Variants in MTUS1 observed in about 807,000 individuals in gnomAD.
MTUS1 encodes microtubule-associated tumor suppressor 1.
Under a neutral mutation model 120.8 loss-of-function variants are expected in MTUS1, and 109 were observed. The observed-to-expected ratio is 0.90, with a 90% confidence interval of 0.77 to 1.06. MTUS1 has a LOEUF of 1.06. MTUS1 is among the 50% of genes least tolerant of loss of function. The pLI is 0.00. For synonymous variants in MTUS1, 737 were observed against 550.5 expected, an observed-to-expected ratio of 1.34 and a Z score of -4.74; for missense variants, 2,210 against 1,486.3, an observed-to-expected ratio of 1.49 and a Z score of -8.01.
chr8:17,789,317 C>T lies in MTUS1; in HGVS notation c.-155+11744G>A, dbSNP rs1304217333. The stretch of plus-strand genomic sequence containing the variant: ...AAGTGCTGGGATTACAGGTGTCAGC[C>T]ACTGCCCCCGGCCACTTTTAGTTTT... On this transcript the variant is annotated intron_variant, in intron 1 of 14. Coordinates refer to ENST00000693296, the MANE Select transcript of MTUS1 (RefSeq NM_001363059.2). Among the ~76,000 whole-genome samples the T allele has an allele frequency of 4.6e-5, 7 of 152,172 alleles. No individual in the cohort carries two copies. In the East Asian group the frequency reaches 1.3e-3, roughly 29 times the overall value.
chr8:17,663,646 A>T (rs1810270379), intron 8 of MTUS1, among the ~76,000 whole-genome samples: 1 of 152,026 alleles, frequency 6.6e-6, no homozygotes, highest in African/African-American at 2.4e-5. Flanking sequence ...CCCAGGCTGG[A>T]GTGTAGTGGC....
In MTUS1 at chr8:17,712,353, T is replaced by C. The variant is rs185467848; in HGVS notation, c.2623+861A>G. Among the ~76,000 whole-genome samples, 167 of 152,256 alleles carry C rather than the reference T, an allele frequency of 1.1e-3. 1 individual carries two copies. The highest frequency in any genetic ancestry group is 4.0e-3 in the Admixed American group (61 of 15,302). On this transcript the variant is annotated intron_variant, in intron 6 of 14. Transcript: ENST00000693296. ...GATCAATCCATCTATCTTTTTTTTT[T>C]TGAGACAGGGTCTCACTGTGTCACC...
intron 2 of MTUS1, among the ~76,000 whole-genome samples, chr8:17,751,150 C>G (rs1254875224): frequency 6.6e-6 from 1 of 152,098 alleles, no homozygotes; most frequent in Non-Finnish European, 1.5e-5. Context: ...AACCCCATCT[C>G]TAATAAAAAT....
intron 5 of MTUS1, 63 bp downstream of exon 5, chr8:17,715,704 T>C (rs117032956): frequency 7.3e-6 from 11 of 1,509,834 alleles, no homozygotes; most frequent in Admixed American, 2.3e-5. Flanking sequence ...AAATTTAACT[T>C]TCTACAAGCC....
At chr8:17,747,872 G>A (rs1217686953) in intron 2 of MTUS1, among the ~76,000 whole-genome samples, 1 of 152,180 alleles carries the variant, frequency 6.6e-6, no homozygotes, top group Non-Finnish European at 1.5e-5. Context: ...GCAAGGAGGA[G>A]CAAGACATGT....
intron 1 of MTUS1, among the ~76,000 whole-genome samples, chr8:17,757,892 A>G (rs1335752670): frequency 6.6e-6 from 1 of 152,184 alleles, no homozygotes; most frequent in East Asian, 1.9e-4. Context: ...AGAAAGGTCC[A>G]AATGTTCAAG....
At position 17,645,056 on chromosome 8, in the gene MTUS1, CAGTT is replaced by C. The variant is rs35568772; in HGVS notation, c.*866_*869del. 0.88 allele frequency: 133,103 copies of C among 151,684 alleles called. 58,395 individuals are homozygous for C. The highest frequency in any genetic ancestry group is 0.94 in the Middle Eastern group (275 of 292). 9.4% of individuals were successfully genotyped at this position (151,684 alleles called of 1,614,324 possible). ...GTACTTCCCTTTTTCTTTCTTTACA[CAGTT>C]AGTTAGTTAGTTTGTTTTTTTATAG... On this transcript the variant is annotated 3_prime_UTR_variant, in exon 15 of 15. Transcript: ENST00000693296.
At chr8:17,769,493 G>A (rs888345324) in intron 1 of MTUS1, among the ~76,000 whole-genome samples, 22 of 150,716 alleles carry the variant, frequency 1.5e-4, no homozygotes, top group Middle Eastern at 3.4e-3. Context: ...GACTACAGGC[G>A]CCCGCCACCA....
At chr8:17,748,376 C>T (rs967476695) in intron 2 of MTUS1, 3 of 152,316 alleles carry the variant, frequency 2.0e-5, no homozygotes, top group Non-Finnish European at 4.4e-5. Flanking sequence ...CACCATCCTT[C>T]AGGTGTCCAT....
At chr8:17,782,299 T>C (rs2050932019) in intron 1 of MTUS1, among the ~76,000 whole-genome samples, 1 of 152,198 alleles carries the variant, frequency 6.6e-6, no homozygotes, top group Non-Finnish European at 1.5e-5. Context: ...ACCAAGATGA[T>C]GTAGTAAGTT....
At chr8:17,748,619 G>A (rs1448140665) in intron 2 of MTUS1, among the ~76,000 whole-genome samples, 1 of 152,134 alleles carries the variant, frequency 6.6e-6, no homozygotes, top group Non-Finnish European at 1.5e-5. Flanking sequence ...CCACCACCTG[G>A]GCACCACTGT....
intron 4 of MTUS1, among the ~76,000 whole-genome samples, chr8:17,719,548 C>T (rs1040968153): frequency 2.0e-5 from 3 of 152,186 alleles, no homozygotes; most frequent in Non-Finnish European, 4.4e-5. Context: ...TTCAGAAGTG[C>T]GTAAGTACTA....
In MTUS1 at chr8:17,715,115, A is replaced by T. The variant is rs187106803; in HGVS notation, c.2584+652T>A. Among the ~76,000 whole-genome samples the T allele has an allele frequency of 3.8e-3, 576 of 151,966 alleles. 15 individuals are homozygous for T. The highest frequency in any genetic ancestry group is 0.026 in the Admixed American group (391 of 15,246). On this transcript the variant is annotated intron_variant, in intron 5 of 14. Transcript: ENST00000693296. ...GAGATGGGGTTTTGCCATGTCGGCCAGGCTGGTCTCAAACTCCTGACCTCA... is the reference window on the plus strand; with the variant it reads ...GAGATGGGGTTTTGCCATGTCGGCCTGGCTGGTCTCAAACTCCTGACCTCA...
chr8:17,735,622 G>T (rs1328454742), intron 3 of MTUS1, among the ~76,000 whole-genome samples: 1 of 152,214 alleles, frequency 6.6e-6, no homozygotes, highest in African/African-American at 2.4e-5. Flanking sequence ...CTGCTGGCAA[G>T]CTCCTGCAGG....
At chr8:17,733,466 A>G (rs977723785) in intron 3 of MTUS1, among the ~76,000 whole-genome samples, 3 of 152,174 alleles carry the variant, frequency 2.0e-5, no homozygotes, top group Admixed American at 6.6e-5. Context: ...TTTAAGTTAA[A>G]AGCTATTTGG....
At chr8:17,789,396 T>C (rs747523595) in intron 1 of MTUS1, among the ~76,000 whole-genome samples, 3 of 152,134 alleles carry the variant, frequency 2.0e-5, no homozygotes, top group Non-Finnish European at 4.4e-5. Context: ...CTCAGACTGT[T>C]TGAGGGACGT....
rs552889199 is a variant in MTUS1, at chr8:17,791,118, C to G, written c.-155+9943G>C. 2.6e-5 allele frequency among the ~76,000 whole-genome samples: 4 copies of G among 152,282 alleles called. No homozygotes were observed. The South Asian group carries it at 8.3e-4, about 32-fold the overall frequency. On this transcript the variant is annotated intron_variant, in intron 1 of 14. Coordinates refer to ENST00000693296, the MANE Select transcript of MTUS1 (RefSeq NM_001363059.2). Reference sequence around the variant, plus strand: ...ACTGGGTGTGGGAAATGGACCGGTACAAGTCCAGTCCCAGTTCCATAACTT... The same window carrying G: ...ACTGGGTGTGGGAAATGGACCGGTAGAAGTCCAGTCCCAGTTCCATAACTT...
chr8:17,801,155 CG>C (rs1453014050), upstream of MTUS1, among the ~76,000 whole-genome samples: 1 of 151,724 alleles, frequency 6.6e-6, no homozygotes, highest in African/African-American at 2.4e-5. Flanking sequence ...GAACCCGCCC[CG>C]GAGGTCTCGG....
chr8:17,721,896 A>C (rs746622640), intron 4 of MTUS1: 5 of 1,613,216 alleles, frequency 3.1e-6, no homozygotes, highest in Non-Finnish European at 4.2e-6. Flanking sequence ...CTCCTGGTAC[A>C]GTCATTTAAA....
Sources: allele counts gnomAD v4.1 joint callset (sites outside exome capture counted in the v4.1 genomes callset), GRCh38; gene constraint gnomAD v4.1.1; transcripts MANE v1.5; gene names NCBI Gene and HGNC (gene_info 2026-07-23, HGNC 2026-07-21).